The following SHROOM3 variants were observed in gnomAD, a reference collection of about 807,000 sequenced individuals.
SHROOM3 encodes the protein shroom family member 3.
A neutral mutation model predicts 138.6 loss-of-function variants in SHROOM3; 47 were observed. The ratio of observed to expected loss-of-function variants is 0.34; its 90% CI spans 0.27 to 0.43. SHROOM3 has a LOEUF of 0.43. Among genes scored for constraint, SHROOM3 ranks in the 20% least tolerant of loss-of-function variants. The pLI is 1.00. For synonymous variants in SHROOM3, 1,062 were observed against 1,063.3 expected (o/e 1.00, Z 0.02); for missense variants, 2,491 against 2,596.5 (o/e 0.96, Z 0.88).
chr4:76,490,500 C>T (rs1731826959), intron 1 of SHROOM3, among the ~76,000 whole-genome samples: 1 of 152,090 alleles, frequency 6.6e-6, no homozygotes, highest in Non-Finnish European at 1.5e-5. Context: ...CGTGATCTGC[C>T]TGTCTCGGCC....
chr4:76,607,586 AACC>A, intron 2 of SHROOM3, among the ~76,000 whole-genome samples: 1 of 152,318 alleles, frequency 6.6e-6, no homozygotes, highest in East Asian at 1.9e-4. Flanking sequence ...ACTGGCCACA[AACC>A]ACCAGGTTTC....
intron 5 of SHROOM3, among the ~76,000 whole-genome samples, chr4:76,743,023 A>G (rs1721313102): frequency 1.3e-5 from 2 of 152,256 alleles, no homozygotes; most frequent in Admixed American, 1.3e-4. Flanking sequence ...CCTTATATGT[A>G]TAAATCTAAT....
intron 2 of SHROOM3, among the ~76,000 whole-genome samples, chr4:76,556,555 T>C (rs1206852684): frequency 6.6e-6 from 1 of 152,244 alleles, no homozygotes; most frequent in Non-Finnish European, 1.5e-5. Context: ...TTCTATTTCA[T>C]GCCACTTGAG....
chr4:76,569,711 T>TTC (rs778664207), intron 2 of SHROOM3, among the ~76,000 whole-genome samples: 24 of 151,776 alleles, frequency 1.6e-4, no homozygotes, highest in Non-Finnish European at 2.2e-4. Flanking sequence ...TTTTTTTTTT[T>TTC]CCCCTCAAAG....
intron 2 of SHROOM3, among the ~76,000 whole-genome samples, chr4:76,651,406 ATATATAT>A (rs1735957654): frequency 6.8e-5 from 1 of 14,684 alleles, no homozygotes; most frequent in African/African-American, 3.7e-4. Flanking sequence ...CCATAAATAT[ATATATAT>A]ATATATATAT....
chr4:76,766,896 T>G (rs1405446852), intron 9 of SHROOM3, among the ~76,000 whole-genome samples: 1 of 152,218 alleles, frequency 6.6e-6, no homozygotes, highest in Non-Finnish European at 1.5e-5. Flanking sequence ...AGATATCACA[T>G]TAGAGCCCAG....
intron 2 of SHROOM3, among the ~76,000 whole-genome samples, chr4:76,584,690 A>T: frequency 6.6e-6 from 1 of 152,146 alleles, no homozygotes; most frequent in Admixed American, 6.5e-5. Flanking sequence ...GTTAAATTTG[A>T]CATATTCAAA....
intron 1 of SHROOM3, among the ~76,000 whole-genome samples, chr4:76,494,159 A>ATTTTTTTTTTT (rs5859517): frequency 6.9e-6 from 1 of 144,060 alleles, no homozygotes; most frequent in Non-Finnish European, 1.5e-5. Context: ...CCCCAGATTG[A>ATTTTTTTTTTT]TTTTTTTTTT....
chr4:76,672,760 G>A (rs1002864880), intron 2 of SHROOM3, among the ~76,000 whole-genome samples: 1 of 152,122 alleles, frequency 6.6e-6, no homozygotes, highest in Non-Finnish European at 1.5e-5. Flanking sequence ...TTTTAGTAAA[G>A]ACAGGGTTTC....
At chr4:76,689,768 C>T in intron 2 of SHROOM3, 4 of 983,646 alleles carry the variant, frequency 4.1e-6, no homozygotes, top group Non-Finnish European at 4.8e-6. Context: ...TTCTGGAGCG[C>T]GTCTATTTCG....
intron 8 of SHROOM3, chr4:76,757,991 G>A (rs1225124946): frequency 6.6e-6 from 1 of 152,106 alleles, no homozygotes; most frequent in Non-Finnish European, 1.5e-5. Flanking sequence ...TTACTAACAG[G>A]AACACCACGT....
intron 1 of SHROOM3, among the ~76,000 whole-genome samples, chr4:76,497,832 T>C (rs889706915): frequency 2.6e-5 from 4 of 152,078 alleles, no homozygotes; most frequent in Non-Finnish European, 5.9e-5. Flanking sequence ...CACTCTAGCG[T>C]GGGCAACAGA....
At chr4:76,716,508 T>C (rs1720381097) in intron 3 of SHROOM3, 3 of 466,836 alleles carry the variant, frequency 6.4e-6, no homozygotes, top group Admixed American at 2.2e-5. Context: ...TATTGTGCTA[T>C]ATCTGTTTAT....
chr4:76,737,260 GCT>G (rs763653734), intron 4 of SHROOM3, among the ~76,000 whole-genome samples: 62 of 149,132 alleles, frequency 4.2e-4, no homozygotes, highest in Non-Finnish European at 6.7e-4. Flanking sequence ...TGGCTTGACA[GCT>G]CTTTTTTTTT....
chr4:76,546,348 G>A (rs1733217503), intron 1 of SHROOM3, among the ~76,000 whole-genome samples: 2 of 152,152 alleles, frequency 1.3e-5, no homozygotes. Flanking sequence ...GAGATGAGAG[G>A]TAGATGGGAA....
At chr4:76,546,658 T>A (rs1238152522) in intron 1 of SHROOM3, among the ~76,000 whole-genome samples, 1 of 152,244 alleles carries the variant, frequency 6.6e-6, no homozygotes, top group Non-Finnish European at 1.5e-5. Context: ...ACGTCTTTTG[T>A]TATCCACCTA....
intron 1 of SHROOM3, among the ~76,000 whole-genome samples, chr4:76,471,493 T>C (rs932927159): frequency 2.6e-5 from 4 of 152,128 alleles, no homozygotes; most frequent in East Asian, 1.9e-4. Flanking sequence ...CCACCCACCT[T>C]GGCCTCCCAA....
At position 76,741,879 on chromosome 4, in the gene SHROOM3, G is replaced by A; in HGVS notation, c.3706G>A (p.Val1236Ile). 6.2e-7 allele frequency: 1 copy of A among 1,612,276 alleles called. No homozygotes were observed. Among genetic ancestry groups the A allele is most frequent in the South Asian group, 1.1e-5 (1 of 90,924 alleles). The change falls in exon 5 of 11, where the codon GTC (valine) becomes ATC (isoleucine). Residue 1236 changes from valine (V) to isoleucine (I), a missense_variant. Val to Ile is a conservative substitution (Grantham distance 29). Coordinates refer to ENST00000296043, the MANE Select transcript of SHROOM3 (RefSeq NM_020859.4). This position sits in a 1 kb window ranked among gnomAD's most constrained non-coding sequence, Gnocchi z 6.2. ...LERSDVLAGP[V>I]HVRSRSSPAT... ...ACGCTCGGACGTCCTTGCGGGCCCT[G>A]TCCATGTGAGGTCCAGGTCATCTCC...
At chr4:76,772,548 G>T (rs573347380) in intron 10 of SHROOM3, among the ~76,000 whole-genome samples, 1 of 152,292 alleles carries the variant, frequency 6.6e-6, no homozygotes, top group East Asian at 1.9e-4. Flanking sequence ...TTAGGAAAGT[G>T]ACTCAGCATT....
Sources: allele counts gnomAD v4.1 joint callset (sites outside exome capture counted in the v4.1 genomes callset), GRCh38; gene constraint gnomAD v4.1.1; non-coding constraint Gnocchi (gnomAD v3.1); transcripts MANE v1.5; gene names NCBI Gene and HGNC (gene_info 2026-07-23, HGNC 2026-07-21).